Variants in LRCH2 observed in about 807,000 individuals in gnomAD.
The protein encoded by LRCH2 is leucine rich repeats and calponin homology domain containing 2.
Under a neutral mutation model 68.9 loss-of-function variants are expected in LRCH2, and 38 were observed. The ratio of observed to expected loss-of-function variants is 0.55; its 90% CI spans 0.43 to 0.72. The LOEUF (loss-of-function observed/expected upper bound fraction) is 0.72, where lower values mean the gene tolerates loss of function less well. Ranked by LOEUF, LRCH2 falls within the 30% of genes least tolerant of loss-of-function variation. LRCH2 has a pLI of 0.00. For synonymous variants in LRCH2, 191 were observed against 208.1 expected, an observed-to-expected ratio of 0.92 and a Z score of 0.71; for missense variants, 528 against 572.9, an observed-to-expected ratio of 0.92 and a Z score of 0.80.
chrX:115,140,522 A>G (rs1458925450), intron 14 of LRCH2, among the ~76,000 whole-genome samples: 1 of 111,794 alleles, frequency 8.9e-6, no homozygotes, highest in African/African-American at 3.2e-5. Flanking sequence ...ACCCACTCAG[A>G]CACAGTGAGG....
chrX:115,162,609 TG>T (rs1190090156), intron 11 of LRCH2, among the ~76,000 whole-genome samples: 1 of 112,034 alleles, frequency 8.9e-6, no homozygotes, highest in African/African-American at 3.2e-5. Flanking sequence ...ATGTAGCAAC[TG>T]TGCAAAAAAG....
In LRCH2 at chrX:115,184,641, ATAACT is replaced by A. The variant is rs782260297; in HGVS notation, c.495-109_495-105del. 1.6e-3 allele frequency: 1,182 copies of A among 734,180 alleles called. 1 individual carries two copies. The highest frequency in any genetic ancestry group is 3.3e-3 in the Middle Eastern group (8 of 2,459). The allele number at this position is 734,180 out of a possible 1,213,427, so 60.5% of individuals were successfully genotyped here. A position where few individuals can be genotyped will look rare whatever the true frequency, so the allele number is the denominator to read the frequency against. Reference sequence around the variant, plus strand: ...GTAAATAATATTCTATCACTAAGTAATAACTTAATAAGTACTTGCTGAGTGCTCAC... The same window carrying A: ...GTAAATAATATTCTATCACTAAGTAATAATAAGTACTTGCTGAGTGCTCAC... On this transcript the variant is annotated intron_variant, in intron 2 of 20. Coordinates refer to ENST00000317135, the MANE Select transcript of LRCH2 (RefSeq NM_020871.4).
Position 115,192,611 on chromosome X carries a change from G to A in LRCH2, c.350-4241C>T, listed in dbSNP as rs782111364. On this transcript the variant is annotated intron_variant, in intron 1 of 20. Transcript: ENST00000317135. ...AGGGGCGGAGGCCGTCAAGGAGGCC[G>A]CTTCGAGAGGGGGGAAGGCCGGAGC... 321 of 1,169,953 alleles carry A rather than the reference G, an allele frequency of 2.7e-4. No homozygotes were observed. Among genetic ancestry groups the A allele is most frequent in the Non-Finnish European group, 3.4e-4 (298 of 874,514 alleles).
rs73636271 is a variant in LRCH2 at position 115,209,135 on chromosome X, G to T, written c.350-20765C>A. On this transcript the variant is annotated intron_variant, in intron 1 of 20. Transcript: ENST00000317135. ...CAAGAATAACCTAAGTGGAATTGAG[G>T]CAAATATTATACACATACACCCTAT... Among the ~76,000 whole-genome samples the T allele has an allele frequency of 9.9e-3, 1,108 of 112,339 alleles. 19 individuals carry two copies. Among genetic ancestry groups the T allele is most frequent in the African/African-American group, 0.034 (1,050 of 30,970 alleles).
intron 3 of LRCH2, among the ~76,000 whole-genome samples, chrX:115,183,490 T>C (rs782019509): frequency 1.8e-4 from 20 of 109,663 alleles, no homozygotes; most frequent in African/African-American, 2.3e-4. Context: ...AGGCCAGGAG[T>C]TCAAGACCAG....
In LRCH2 at chrX:115,189,636, C is replaced by T. The variant is rs782641878; in HGVS notation, c.350-1266G>A. ...AAAGCCCTGCAGACGCCAAGGCTGC[C>T]GCCAGAGATATGAACGGCAAGTACC... On this transcript the variant is annotated intron_variant, in intron 1 of 20. Transcript: ENST00000317135. 4.2e-5 allele frequency: 49 copies of T among 1,167,937 alleles called. No homozygotes were observed. In the African/African-American group the frequency reaches 6.4e-4, roughly 15 times the overall value.
chrX:115,173,034 T>G (rs1174985499), intron 5 of LRCH2, among the ~76,000 whole-genome samples: 4 of 111,599 alleles, frequency 3.6e-5, no homozygotes, highest in Non-Finnish European at 7.5e-5. Flanking sequence ...CTCGAAGGTA[T>G]CATTCCAACA....
chrX:115,214,404 A>G (rs1398881449), intron 1 of LRCH2, among the ~76,000 whole-genome samples: 4 of 112,067 alleles, frequency 3.6e-5, no homozygotes, highest in Admixed American at 9.5e-5. Flanking sequence ...GCCCTCTGCA[A>G]AGACAGGTGA....
chrX:115,229,919 G>A (rs2073142321), intron 1 of LRCH2, among the ~76,000 whole-genome samples: 2 of 111,735 alleles, frequency 1.8e-5, no homozygotes, highest in East Asian at 2.8e-4. Flanking sequence ...TCCAGGACAC[G>A]GCAGAATCTG....
rs994302202 is a variant in LRCH2 at position 115,163,855 on chromosome X, G to A, written c.1356-72C>T. On this transcript the variant is annotated intron_variant, in intron 10 of 20. Coordinates refer to ENST00000317135, the MANE Select transcript of LRCH2 (RefSeq NM_020871.4). ...CATTTTATGCCAGCTTCCAGAAATAGAAACCATTTTTGTTTTTAACACCAT... is the reference window on the plus strand; with the variant it reads ...CATTTTATGCCAGCTTCCAGAAATAAAAACCATTTTTGTTTTTAACACCAT... The A allele has an allele frequency of 4.8e-5, 37 of 772,093 alleles. No homozygotes were observed. In the African/African-American group the frequency reaches 6.7e-4, roughly 14 times the overall value. The allele number at this position is 772,093 out of a possible 1,213,427, so 63.6% of individuals were successfully genotyped here. A position where few individuals can be genotyped will look rare whatever the true frequency, so the allele number is the denominator to read the frequency against.
chrX:115,227,397 T>C (rs1317967374), intron 1 of LRCH2, among the ~76,000 whole-genome samples: 1 of 109,796 alleles, frequency 9.1e-6, no homozygotes, highest in Non-Finnish European at 1.9e-5. Flanking sequence ...TAGGATATAA[T>C]AGGTATATGA....
intron 1 of LRCH2, among the ~76,000 whole-genome samples, chrX:115,213,649 G>A (rs1001808939): frequency 8.1e-5 from 9 of 111,789 alleles, no homozygotes; most frequent in African/African-American, 2.9e-4. Context: ...CCTCCATTTA[G>A]TTCTACTAAA....
chrX:115,159,009 A>C (rs886090381), intron 11 of LRCH2, among the ~76,000 whole-genome samples: 2 of 111,585 alleles, frequency 1.8e-5, no homozygotes, highest in Admixed American at 9.6e-5. Context: ...TTTTCAACAG[A>C]ATTTCCTTTT....
chrX:115,208,339 T>C (rs1318640744), intron 1 of LRCH2, among the ~76,000 whole-genome samples: 6 of 112,201 alleles, frequency 5.3e-5, no homozygotes, highest in African/African-American at 1.9e-4. Flanking sequence ...GCTGTTTTTC[T>C]TGTCTCATTT....
intron 1 of LRCH2, among the ~76,000 whole-genome samples, chrX:115,229,077 A>G (rs1456623699): frequency 9.0e-6 from 1 of 111,707 alleles, no homozygotes; most frequent in East Asian, 2.8e-4. Flanking sequence ...AATCTATTCT[A>G]AAACCATAAG....
intron 15 of LRCH2, among the ~76,000 whole-genome samples, chrX:115,129,414 TACTA>T (rs782381076): frequency 3.6e-5 from 4 of 111,670 alleles, no homozygotes; most frequent in African/African-American, 1.3e-4. Context: ...TAAATATAAA[TACTA>T]ACAGTGAAAA....
intron 1 of LRCH2, among the ~76,000 whole-genome samples, chrX:115,206,301 C>T (rs1416009652): frequency 8.9e-6 from 1 of 112,225 alleles, no homozygotes; most frequent in East Asian, 2.8e-4. Flanking sequence ...TTGCTGGGAA[C>T]AGGCCCCCAA....
chrX:115,173,173 T>G (rs782269729), intron 5 of LRCH2, among the ~76,000 whole-genome samples: 1 of 111,411 alleles, frequency 9.0e-6, no homozygotes, highest in South Asian at 3.8e-4. Flanking sequence ...AATTTTTTTA[T>G]ATTTAAGTGC....
At chrX:115,193,814 A>C (rs1913762452) in intron 1 of LRCH2, among the ~76,000 whole-genome samples, 1 of 111,523 alleles carries the variant, frequency 9.0e-6, no homozygotes, top group Non-Finnish European at 1.9e-5. Flanking sequence ...CATGGCAGAC[A>C]AATAATGTCC....
Sources: allele counts gnomAD v4.1 joint callset (sites outside exome capture counted in the v4.1 genomes callset), GRCh38; gene constraint gnomAD v4.1.1; transcripts MANE v1.5; gene names NCBI Gene and HGNC (gene_info 2026-07-23, HGNC 2026-07-21).